SYNDIG1L: variants seen among roughly 807,000 people sequenced by gnomAD.
SYNDIG1L encodes synapse differentiation inducing 1 like.
A neutral mutation model predicts 20.1 loss-of-function variants in SYNDIG1L; 13 were observed. That is an observed-to-expected ratio of 0.65 (90% confidence interval 0.42 to 1.03). SYNDIG1L has a LOEUF of 1.03. Among genes scored for constraint, SYNDIG1L ranks in the 50% least tolerant of loss-of-function variants. The pLI is 0.00. For missense variants in SYNDIG1L, 294 were observed against 305.1 expected, an observed-to-expected ratio of 0.96 and a Z score of 0.27; for synonymous variants, 128 against 129.3, an observed-to-expected ratio of 0.99 and a Z score of 0.07.
chr14:74,419,356 C>T (rs2086203183), intron 1 of SYNDIG1L, among the ~76,000 whole-genome samples: 1 of 152,182 alleles, frequency 6.6e-6, no homozygotes, highest in Admixed American at 6.5e-5. Flanking sequence ...CCCTGCATTC[C>T]CTTGCGTGGC....
chr14:74,446,508 T>C, the SYNDIG1L span, among the ~76,000 whole-genome samples: 1 of 152,070 alleles, frequency 6.6e-6, no homozygotes, highest in Non-Finnish European at 1.5e-5. Flanking sequence ...TATGCAGAAA[T>C]TAATCCACAC....
chr14:74,421,980 T>C (rs1197643250), intron 1 of SYNDIG1L, among the ~76,000 whole-genome samples: 11 of 152,188 alleles, frequency 7.2e-5, no homozygotes, highest in Non-Finnish European at 8.8e-5. Flanking sequence ...GCAGATGGGC[T>C]TGTGGCTGAC....
chr14:74,419,072 C>A (rs924451179), intron 1 of SYNDIG1L, among the ~76,000 whole-genome samples: 3 of 152,126 alleles, frequency 2.0e-5, no homozygotes, highest in Non-Finnish European at 4.4e-5. Context: ...CATGTCCCCT[C>A]TCTCCTTCAC....
At chr14:74,441,637 C>A in the SYNDIG1L span, among the ~76,000 whole-genome samples, 1,097 of 152,196 alleles carry the variant, frequency 7.2e-3, 13 homozygotes, top group South Asian at 0.041. Context: ...TCCCAAGTAC[C>A]TAGGACTACA....
At chr14:74,412,502 T>G (rs2139622509) in intron 1 of SYNDIG1L, among the ~76,000 whole-genome samples, 1 of 152,306 alleles carries the variant, frequency 6.6e-6, no homozygotes, top group Middle Eastern at 3.4e-3. Flanking sequence ...GTCAATCAAC[T>G]GTAGCACTAA....
intron 1 of SYNDIG1L, among the ~76,000 whole-genome samples, chr14:74,416,037 G>T (rs1052185286): frequency 6.6e-6 from 1 of 152,052 alleles, no homozygotes; most frequent in South Asian, 2.1e-4. Flanking sequence ...AAACTATAGC[G>T]ACAGAAAGCA....
chr14:74,422,651 CTT>C, intron 1 of SYNDIG1L, among the ~76,000 whole-genome samples: 1 of 83,118 alleles, frequency 1.2e-5, no homozygotes, highest in Non-Finnish European at 2.5e-5. Flanking sequence ...TAATCTCTCT[CTT>C]CACACACACA....
intron 1 of SYNDIG1L, among the ~76,000 whole-genome samples, chr14:74,419,379 C>G (rs1261348473): frequency 6.6e-6 from 1 of 152,182 alleles, no homozygotes; most frequent in Non-Finnish European, 1.5e-5. Context: ...ATACTAGGCA[C>G]TCAATAGACA....
upstream of SYNDIG1L, among the ~76,000 whole-genome samples, chr14:74,429,057 T>C (rs1420403273): frequency 6.6e-6 from 1 of 152,140 alleles, no homozygotes; most frequent in African/African-American, 2.4e-5. Flanking sequence ...TATTTTCCCT[T>C]TGGTTCCTAG....
the SYNDIG1L span, among the ~76,000 whole-genome samples, chr14:74,449,060 C>T: frequency 6.1e-4 from 93 of 151,586 alleles, no homozygotes; most frequent in African/African-American, 2.2e-3. Context: ...AGTGAGATCT[C>T]GTCTCTATAA....
chr14:74,456,987 G>A, the SYNDIG1L span, among the ~76,000 whole-genome samples: 21 of 152,174 alleles, frequency 1.4e-4, no homozygotes, highest in African/African-American at 4.8e-4. Context: ...ATCAGGAGGC[G>A]TATTTAATGG....
chr14:74,431,538 T>G, the SYNDIG1L span, among the ~76,000 whole-genome samples: 1 of 152,156 alleles, frequency 6.6e-6, no homozygotes, highest in Non-Finnish European at 1.5e-5. Context: ...ATAAGTTTGT[T>G]TTTAATAAAG....
the SYNDIG1L span, among the ~76,000 whole-genome samples, chr14:74,442,236 G>A: frequency 6.6e-6 from 1 of 152,118 alleles, no homozygotes; most frequent in Admixed American, 6.5e-5. Context: ...ACAGCCTAAT[G>A]CAGAACACAA....
intron 1 of SYNDIG1L, among the ~76,000 whole-genome samples, chr14:74,413,012 C>T (rs11159079): frequency 0.4 from 61,182 of 152,018 alleles, 12,755 homozygotes; most frequent in Non-Finnish European, 0.47. Context: ...CTGCCCTACG[C>T]TCTGTCTCAC....
chr14:74,453,443 G>T, the SYNDIG1L span, among the ~76,000 whole-genome samples: 1 of 149,008 alleles, frequency 6.7e-6, no homozygotes, highest in Admixed American at 6.8e-5. Flanking sequence ...GTAAAGCAAG[G>T]AACAGGGGAA....
chr14:74,433,573 C>T, the SYNDIG1L span, among the ~76,000 whole-genome samples: 230 of 152,108 alleles, frequency 1.5e-3, 1 homozygote, highest in African/African-American at 5.3e-3. Flanking sequence ...TTAGTAGAGG[C>T]GGTGTTTCAC....
At chr14:74,447,675 T>A in the SYNDIG1L span, among the ~76,000 whole-genome samples, 1 of 151,828 alleles carries the variant, frequency 6.6e-6, no homozygotes, top group Non-Finnish European at 1.5e-5. Context: ...TTTACAACAA[T>A]TGATAAATTA....
chr14:74,409,701 C>T lies in SYNDIG1L; in HGVS notation c.44G>A (p.Ser15Asn). 1 of 1,472,048 alleles carries T rather than the reference C, an allele frequency of 6.8e-7. No individual in the cohort carries two copies. The highest frequency in any genetic ancestry group is 1.8e-4 in the Middle Eastern group (1 of 5,448). The allele number at this position is 1,472,048 out of a possible 1,614,324, so 91.2% of individuals were successfully genotyped here. The change falls in exon 2 of 4, where the codon AGC (serine) becomes AAC (asparagine). Residue 15 changes from serine to asparagine, a missense_variant. Transcript: ENST00000331628. ...SELQNPLLPR[S>N]PAHLHGPYPY... Reference sequence around the variant, plus strand: ...ATAGGGGCCATGGAGATGGGCAGGGCTCCTGGGCAGCAGCGGGTTCTGTAG... The same window carrying T: ...ATAGGGGCCATGGAGATGGGCAGGGTTCCTGGGCAGCAGCGGGTTCTGTAG...
chr14:74,408,690 A>C (rs1305620385), intron 2 of SYNDIG1L, among the ~76,000 whole-genome samples: 1 of 152,210 alleles, frequency 6.6e-6, no homozygotes, highest in Admixed American at 6.5e-5. Context: ...GAATACATTA[A>C]ATTACATGGA....
Sources: allele counts gnomAD v4.1 joint callset (sites outside exome capture counted in the v4.1 genomes callset), GRCh38; gene constraint gnomAD v4.1.1; transcripts MANE v1.5; gene names NCBI Gene and HGNC (gene_info 2026-07-23, HGNC 2026-07-21).